MACF1: variants seen among roughly 807,000 people sequenced by gnomAD.
MACF1 encodes the protein microtubule actin crosslinking factor 1.
Under a neutral mutation model 854.8 loss-of-function variants are expected in MACF1, and 193 were observed. The observed-to-expected ratio is 0.23, with a 90% confidence interval of 0.20 to 0.25. The LOEUF is 0.25. Among genes scored for constraint, MACF1 ranks in the 10% least tolerant of loss-of-function variants. The pLI is 1.00. For synonymous variants in MACF1, 3,185 were observed against 3,226.7 expected (o/e 0.99, Z 0.44); for missense variants, 7,722 against 8,929.1 (o/e 0.86, Z 5.45).
At chr1:39,213,060 TTGGAGC>T (rs1384318928) in intron 1 of MACF1, among the ~76,000 whole-genome samples, 1 of 152,258 alleles carries the variant, frequency 6.6e-6, no homozygotes, top group East Asian at 1.9e-4. Flanking sequence ...GAGCACAGCT[TTGGAGC>T]TGGACAAATG....
At chr1:39,325,431 G>A (rs1231349446) in intron 35 of MACF1, among the ~76,000 whole-genome samples, 3 of 152,174 alleles carry the variant, frequency 2.0e-5, no homozygotes, top group East Asian at 3.8e-4. Context: ...CAAGCAAGGC[G>A]AAACAGAACT....
At chr1:39,235,797 CA>C (rs1486367966) in intron 2 of MACF1, among the ~76,000 whole-genome samples, 1 of 152,184 alleles carries the variant, frequency 6.6e-6, no homozygotes, top group Non-Finnish European at 1.5e-5. Flanking sequence ...TGCGGTGGTA[CA>C]ATCATAGCTC....
intron 1 of MACF1, among the ~76,000 whole-genome samples, chr1:39,215,037 C>CT (rs1316806096): frequency 2.6e-5 from 4 of 152,194 alleles, no homozygotes; most frequent in Non-Finnish European, 5.9e-5. Context: ...CTTGACTGGA[C>CT]TTTTGCATAT....
intron 49 of MACF1, among the ~76,000 whole-genome samples, chr1:39,363,002 T>G (rs1648342321): frequency 6.6e-6 from 1 of 152,220 alleles, no homozygotes; most frequent in Non-Finnish European, 1.5e-5. Flanking sequence ...AAATATAAGA[T>G]AGTTTTAGAA....
intron 2 of MACF1, among the ~76,000 whole-genome samples, chr1:39,238,612 A>ACCTTGCT (rs1644886150): frequency 6.6e-6 from 1 of 152,180 alleles, no homozygotes; most frequent in African/African-American, 2.4e-5. Flanking sequence ...GCCTGTTTGT[A>ACCTTGCT]GCTGATGCTG....
chr1:39,384,050 T>G (rs983253229), intron 56 of MACF1, among the ~76,000 whole-genome samples: 3 of 152,166 alleles, frequency 2.0e-5, no homozygotes, highest in Non-Finnish European at 4.4e-5. Context: ...CATCTTAGTA[T>G]TATTATGAAA....
At position 39,480,958 on chromosome 1, in the gene MACF1, GT is replaced by G; in HGVS notation, c.22211del (p.Leu7404TrpfsTer2). ...QFSRCYDKPW[L>X]VNSKAGTPIR... ...TCTCTCGCTGTTATGACAAACCCTG[GT>G]TGGTAAACAGTAAAGCTGGCACCCC... On this transcript the variant is annotated frameshift_variant, in exon 99 of 101. Coordinates refer to ENST00000564288, the MANE Select transcript of MACF1 (RefSeq NM_001394062.1). LOFTEE classifies it high-confidence loss of function. The G allele has an allele frequency of 6.4e-7, 1 of 1,550,886 alleles. No homozygotes were observed. Among genetic ancestry groups the G allele is most frequent in the Non-Finnish European group, 8.7e-7 (1 of 1,147,028 alleles).
Position 39,105,614 on chromosome 1 carries a change from G to A in MACF1, c.220+21176G>A. ...CCCCGGGGCTCGGCGAGAAGGCGGT[G>A]CGGGCGGCCATGGCCGGCTACGTGC... On this transcript the variant is annotated intron_variant, in intron 2 of 93. Transcript: ENST00000361689. The surrounding 1 kb of genome is among the most constrained non-coding windows in gnomAD (Gnocchi z 5.9). 1 of 1,222,404 alleles carries A rather than the reference G, an allele frequency of 8.2e-7. No homozygotes were observed. The highest frequency in any genetic ancestry group is 1.0e-6 in the Non-Finnish European group (1 of 955,042). 75.7% of individuals were successfully genotyped at this position (1,222,404 alleles called of 1,614,324 possible).
chr1:39,159,905 G>A (rs1437716913), intron 2 of MACF1, among the ~76,000 whole-genome samples: 1 of 152,054 alleles, frequency 6.6e-6, no homozygotes, highest in African/African-American at 2.4e-5. Flanking sequence ...GACAGGGTGT[G>A]GGCAGGAGAT....
chr1:39,088,412 C>G (rs1641729760), intron 2 of MACF1, among the ~76,000 whole-genome samples: 1 of 152,166 alleles, frequency 6.6e-6, no homozygotes, highest in African/African-American at 2.4e-5. Flanking sequence ...TTTCTATTTC[C>G]TTAGGCAATA....
chr1:39,296,852 G>GGA (rs1450349857), intron 20 of MACF1, among the ~76,000 whole-genome samples: 11 of 150,476 alleles, frequency 7.3e-5, no homozygotes, highest in Middle Eastern at 3.4e-3. Context: ...GGAAAAGAAA[G>GGA]AAAGAGAGAA....
rs12074534 is a variant in MACF1, at chr1:39,468,468, A to T, written c.21772-147A>T. ...TCTATTTTTAAAATCCTTTTGTGAA[A>T]TATATAAAAATGCAAAATTGTGAGA... On this transcript the variant is annotated intron_variant, in intron 95 of 100. Coordinates refer to ENST00000564288, the MANE Select transcript of MACF1 (RefSeq NM_001394062.1). 6.9e-4 allele frequency: 419 copies of T among 609,784 alleles called. No homozygotes were observed. The African/African-American group carries it at 7.1e-3, about 10-fold the overall frequency. The allele number at this position is 609,784 out of a possible 1,614,324, so 37.8% of individuals were successfully genotyped here.
chr1:39,479,739 C>T lies in MACF1; in HGVS notation c.21959-59C>T, dbSNP rs573115544. The T allele has an allele frequency of 1.5e-4, 217 of 1,491,678 alleles. No homozygotes were observed. In the African/African-American group the frequency reaches 2.5e-3, roughly 17 times the overall value. The allele number at this position is 1,491,678 out of a possible 1,614,324, so 92.4% of individuals were successfully genotyped here. A position where few individuals can be genotyped will look rare whatever the true frequency, so the allele number is the denominator to read the frequency against. ...TCATGGGGTCAAGCCGCTGTATAAC[C>T]GTCAAAAATATATTTTTTAGAAGAA... On this transcript the variant is annotated intron_variant, in intron 97 of 100. Transcript: ENST00000564288.
intron 58 of MACF1, among the ~76,000 whole-genome samples, chr1:39,421,595 T>A (rs901609775): frequency 4.6e-5 from 7 of 152,238 alleles, no homozygotes; most frequent in Admixed American, 3.9e-4. Context: ...GTTATTAGTC[T>A]TAGTCAGAGA....
At position 39,327,302 on chromosome 1, in the gene MACF1, A is replaced by G. The variant is rs751012423; in HGVS notation, c.4563A>G (p.Ala1521=). Residue 1521 remains alanine, a synonymous_variant, in exon 36 of 101, where the codon GCA becomes GCG. Transcript: ENST00000564288. ...ACCATGACCTTTGTGATGGTTCTGC[A>G]AATCAGCTTCAGCAGCTTCAGAGCC... ...KAYHDLCDGS[A]NQLQQLQSQL... is the part of the protein sequence containing the mutation. 4.4e-6 allele frequency: 7 copies of G among 1,607,762 alleles called. No homozygotes were observed. Among genetic ancestry groups the G allele is most frequent in the Non-Finnish European group, 6.0e-6 (7 of 1,174,922 alleles).
chr1:39,427,929 C>G (rs1335871702), intron 62 of MACF1, 32 bp from the exon 63 acceptor site: 18 of 1,477,432 alleles, frequency 1.2e-5, no homozygotes, highest in Non-Finnish European at 1.7e-5. Flanking sequence ...TATTTTGTTT[C>G]TGTTATTCAT....
rs1207152597 is a variant in MACF1, at chr1:39,422,389, C to G, written c.15832C>G (p.Gln5278Glu). The G allele has an allele frequency of 6.2e-7, 1 of 1,613,724 alleles. No homozygotes were observed. Among genetic ancestry groups the G allele is most frequent in the South Asian group, 1.1e-5 (1 of 91,022 alleles). ...AATTATCTAGATGTTTCAGAAAGAA[C>G]AAGTGGATCCTCTTCAGATGAAATT... ...LADFKMFQKE[Q>E]VDPLQMKLQQ... Residue 5278 changes from glutamine (Q) to glutamate (E), a missense_variant, in exon 59 of 101, where the codon CAA becomes GAA. By Grantham distance (29) the Gln-to-Glu change is conservative. Around this residue, in one of 15 missense-constraint regions of MACF1, gnomAD observed 2,807 missense variants for 3,235.8 expected, o/e 0.87. Coordinates refer to ENST00000564288, the MANE Select transcript of MACF1 (RefSeq NM_001394062.1).
intron 97 of MACF1, among the ~76,000 whole-genome samples, chr1:39,478,884 G>T (rs536087221): frequency 6.6e-6 from 1 of 152,310 alleles, no homozygotes; most frequent in South Asian, 2.1e-4. Flanking sequence ...ACAGTTTAGG[G>T]TGGATGAGGA....
intron 36 of MACF1, 74 bp downstream of exon 36, chr1:39,327,427 G>A (rs965719592): frequency 2.3e-5 from 34 of 1,455,928 alleles, no homozygotes; most frequent in African/African-American, 5.6e-5. Context: ...TGCTGATTCA[G>A]AGTCATGATC....
Sources: gnomAD v4.1 joint callset for allele counts (sites outside exome capture counted in the v4.1 genomes callset) on GRCh38, gnomAD v4.1.1 for gene constraint, gnomAD v4.1.1 regional missense constraint, Gnocchi (gnomAD v3.1) non-coding constraint, MANE v1.5 for transcripts, NCBI Gene and HGNC (gene_info 2026-07-23, HGNC 2026-07-21) for gene names.